The following DNAJC15 variants were observed in gnomAD, a reference collection of about 807,000 sequenced individuals.
DNAJC15 encodes the protein dnaJ homolog subfamily C member 15.
A neutral mutation model predicts 22.4 loss-of-function variants in DNAJC15; 27 were observed. The observed-to-expected ratio is 1.20, with a 90% CI of 0.89 to 1.66. DNAJC15 has a LOEUF of 1.66. DNAJC15 is among the 40% of genes most tolerant of loss of function. DNAJC15 has a pLI of 0.00. For missense variants in DNAJC15, 208 were observed against 187.1 expected (o/e 1.11, Z -0.65); for synonymous variants, 79 against 63.2 (o/e 1.25, Z -1.19).
chr13:43,102,985 TTTC>T (rs1306174643), intron 5 of DNAJC15, among the ~76,000 whole-genome samples: 23 of 152,292 alleles, frequency 1.5e-4, no homozygotes, highest in South Asian at 1.0e-3. Context: ...TGATTTTCCA[TTTC>T]TTCTTATATT....
intron 4 of DNAJC15, among the ~76,000 whole-genome samples, chr13:43,080,712 G>C (rs1194846074): frequency 6.6e-6 from 1 of 152,154 alleles, no homozygotes; most frequent in Admixed American, 6.5e-5. Flanking sequence ...ATTCTGCCTT[G>C]TTGGAATAAT....
At position 43,060,196 on chromosome 13, in the gene DNAJC15, G is replaced by T. The variant is rs553721157; in HGVS notation, c.109-5490G>T. Among the ~76,000 whole-genome samples, 2 of 152,118 alleles carry T rather than the reference G, an allele frequency of 1.3e-5. 1 individual carries two copies. The highest frequency in any genetic ancestry group is 1.3e-4 in the Admixed American group (2 of 15,264). On this transcript the variant is annotated intron_variant, in intron 1 of 5. Transcript: ENST00000379221. ...GGGGTGGTATGGAGAGATAATGGGC[G>T]ATGTTTCTCAGGGCTATTCGAGCGG...
rs968930390 is a variant in DNAJC15 at position 43,068,914 on chromosome 13, T to C, written c.161-16T>C. The C allele has an allele frequency of 1.2e-6, 2 of 1,606,540 alleles. No homozygotes were observed. Among genetic ancestry groups the C allele is most frequent in the Non-Finnish European group, 1.7e-6 (2 of 1,176,310 alleles). On this transcript the variant is annotated splice_polypyrimidine_tract_variant and intron_variant, in intron 2 of 5. Transcript: ENST00000379221. ...TTATAGAAAATACATTTGCTTTTATTCCCTTTACTATTTAGGTCGCTACGC... is the reference window on the plus strand; with the variant it reads ...TTATAGAAAATACATTTGCTTTTATCCCCTTTACTATTTAGGTCGCTACGC...
At chr13:43,094,927 T>C (rs1356329855) in intron 5 of DNAJC15, among the ~76,000 whole-genome samples, 1 of 152,166 alleles carries the variant, frequency 6.6e-6, no homozygotes, top group Non-Finnish European at 1.5e-5. Context: ...TTCCTCCCCT[T>C]CCGGAATCTT....
At chr13:43,034,959 C>T (rs1182967085) in intron 1 of DNAJC15, among the ~76,000 whole-genome samples, 1 of 152,194 alleles carries the variant, frequency 6.6e-6, no homozygotes, top group African/African-American at 2.4e-5. Flanking sequence ...GTCATAACTT[C>T]AGATCCTAAT....
chr13:43,106,798 T>TAA (rs201783442), intron 5 of DNAJC15, among the ~76,000 whole-genome samples: 1 of 144,508 alleles, frequency 6.9e-6, no homozygotes, highest in Non-Finnish European at 1.5e-5. Flanking sequence ...AATGTGTCTT[T>TAA]AAAAAAAAAA....
At position 43,111,711 on chromosome 13, in the gene DNAJC15, C is replaced by T. The variant is rs1420753321; in HGVS notation, c.*4463C>T. 1 of 152,190 alleles carries T rather than the reference C, an allele frequency of 6.6e-6. No homozygotes were observed. Among genetic ancestry groups the T allele is most frequent in the Non-Finnish European group, 1.5e-5 (1 of 68,042 alleles). The allele number at this position is 152,190 out of a possible 1,614,324, so 9.4% of individuals were successfully genotyped here. A position where few individuals can be genotyped will look rare whatever the true frequency, so the allele number is the denominator to read the frequency against. On this transcript the variant is annotated 3_prime_UTR_variant, in exon 6 of 6. Transcript: ENST00000379221. ...TCACACAGTGGAACCATGCTGTCCTCGGGCACCCTGCACCTCGCCCAACAG... is the reference window on the plus strand; with the variant it reads ...TCACACAGTGGAACCATGCTGTCCTTGGGCACCCTGCACCTCGCCCAACAG...
chr13:43,061,971 G>C (rs1185058141), intron 1 of DNAJC15, among the ~76,000 whole-genome samples: 1 of 152,176 alleles, frequency 6.6e-6, no homozygotes, highest in African/African-American at 2.4e-5. Flanking sequence ...ACTTTACCCT[G>C]TTGCATGCCC....
At chr13:43,074,220 G>A (rs2040622171) in intron 3 of DNAJC15, among the ~76,000 whole-genome samples, 1 of 152,048 alleles carries the variant, frequency 6.6e-6, no homozygotes, top group Non-Finnish European at 1.5e-5. Flanking sequence ...TTGTGTTTCA[G>A]GCTATTGAGT....
intron 3 of DNAJC15, among the ~76,000 whole-genome samples, chr13:43,075,917 T>C (rs1028404917): frequency 6.6e-6 from 1 of 152,220 alleles, no homozygotes; most frequent in East Asian, 1.9e-4. Context: ...CGCCTCAGCC[T>C]CGCAAAGTGC....
chr13:43,041,340 G>A (rs1593311576), intron 1 of DNAJC15, among the ~76,000 whole-genome samples: 1 of 152,342 alleles, frequency 6.6e-6, no homozygotes, highest in East Asian at 1.9e-4. Flanking sequence ...TTAACCCTGA[G>A]TTGACACAGC....
chr13:43,096,190 G>C (rs1039536039), intron 5 of DNAJC15, among the ~76,000 whole-genome samples: 2 of 152,118 alleles, frequency 1.3e-5, no homozygotes, highest in Non-Finnish European at 2.9e-5. Context: ...CAGAGATTTG[G>C]CAGTGTTTCA....
chr13:43,106,772 C>A (rs1178262226), intron 5 of DNAJC15, among the ~76,000 whole-genome samples: 2 of 150,244 alleles, frequency 1.3e-5, no homozygotes, highest in African/African-American at 4.9e-5. Context: ...CAAAAAGATA[C>A]CCGTTTTCAC....
chr13:43,074,911 A>G (rs2040625849), intron 3 of DNAJC15, among the ~76,000 whole-genome samples: 1 of 152,172 alleles, frequency 6.6e-6, no homozygotes, highest in Non-Finnish European at 1.5e-5. Context: ...ATGTAGATCA[A>G]AAATGTAGTA....
At chr13:43,037,197 A>T (rs2040433180) in intron 1 of DNAJC15, among the ~76,000 whole-genome samples, 1 of 152,252 alleles carries the variant, frequency 6.6e-6, no homozygotes, top group South Asian at 2.1e-4. Context: ...GGTTGCTGTA[A>T]GGGAGTAAAA....
chr13:43,111,859 G>GA lies in DNAJC15; in HGVS notation c.*4612dup, dbSNP rs2040826398. The GA allele has an allele frequency of 6.6e-6, 1 of 152,212 alleles. No homozygotes were observed. The highest frequency in any genetic ancestry group is 1.5e-5 in the Non-Finnish European group (1 of 68,052). The allele number at this position is 152,212 out of a possible 1,614,324, so 9.4% of individuals were successfully genotyped here. A position where few individuals can be genotyped will look rare whatever the true frequency, so the allele number is the denominator to read the frequency against. ...AAAGAGCAAATCCTATTAATGGCTG[G>GA]ATCAGTATCATCTACTTGTCAAAAA... is the stretch of plus-strand genomic sequence containing the variant. On this transcript the variant is annotated 3_prime_UTR_variant, in exon 6 of 6. Transcript: ENST00000379221.
At chr13:43,060,990 T>C (rs1355582066) in intron 1 of DNAJC15, among the ~76,000 whole-genome samples, 1 of 152,092 alleles carries the variant, frequency 6.6e-6, no homozygotes, top group Non-Finnish European at 1.5e-5. Flanking sequence ...GAGCTTGTTG[T>C]GTAGGGAAGG....
rs1424667934 is a variant in DNAJC15, at chr13:43,072,832, G to A, written c.234+3829G>A. On this transcript the variant is annotated intron_variant, in intron 3 of 5. Coordinates refer to ENST00000379221, the MANE Select transcript of DNAJC15 (RefSeq NM_013238.3). The stretch of plus-strand genomic sequence containing the variant: ...ACCCACCTCAACCTCCCAAATTGCT[G>A]GGATTATAGGCGTGAGCCACTGCGC... Among the ~76,000 whole-genome samples, 7 of 152,278 alleles carry A rather than the reference G, an allele frequency of 4.6e-5. No homozygotes were observed. The East Asian group carries it at 1.4e-3, about 29-fold the overall frequency.
intron 4 of DNAJC15, among the ~76,000 whole-genome samples, chr13:43,079,347 A>G (rs1009000957): frequency 2.6e-5 from 4 of 152,230 alleles, no homozygotes; most frequent in Non-Finnish European, 5.9e-5. Context: ...AAATTAGATA[A>G]TAAAGTCCTG....
Sources: gnomAD v4.1 joint callset for allele counts (sites outside exome capture counted in the v4.1 genomes callset) on GRCh38, gnomAD v4.1.1 for gene constraint, MANE v1.5 for transcripts, NCBI Gene and HGNC (gene_info 2026-07-23, HGNC 2026-07-21) for gene names.